The following GPR158 variants were observed in gnomAD, a reference collection of about 807,000 sequenced individuals.
GPR158 encodes the protein G protein-coupled receptor 158, also known as metabotropic glycine receptor.
Under a neutral mutation model 78.2 loss-of-function variants are expected in GPR158, and 30 were observed. The ratio of observed to expected loss-of-function variants is 0.38; its 90% CI spans 0.29 to 0.52. The LOEUF (loss-of-function observed/expected upper bound fraction) is 0.52. Ranked by LOEUF, GPR158 falls within the 20% of genes least tolerant of loss-of-function variation. The pLI is 0.83. For synonymous variants in GPR158, 581 were observed against 591.1 expected, an observed-to-expected ratio of 0.98 and a Z score of 0.25; for missense variants, 1,463 against 1,523.5, an observed-to-expected ratio of 0.96 and a Z score of 0.66.
At chr10:25,565,324 TGG>T (rs1836915228) in intron 6 of GPR158, among the ~76,000 whole-genome samples, 5 of 152,180 alleles carry the variant, frequency 3.3e-5, no homozygotes, top group Non-Finnish European at 5.9e-5. Context: ...GAAAATTTTG[TGG>T]CCTGGGACTA....
chr10:25,300,865 T>A (rs1410472241), intron 2 of GPR158, among the ~76,000 whole-genome samples: 1 of 151,930 alleles, frequency 6.6e-6, no homozygotes, highest in East Asian at 1.9e-4. Flanking sequence ...GAAACCTTAT[T>A]AGACAAGCAG....
Position 25,461,599 on chromosome 10 carries a change from G to A in GPR158, c.1336-5052G>A, listed in dbSNP as rs532125445. On this transcript the variant is annotated intron_variant, in intron 4 of 10. Transcript: ENST00000376351. Reference sequence around the variant, plus strand: ...AAAAGTGTAAAGTGAAGCAGCAAGTGCTGATGGAGAAGCTGCAGCACGTCA... The same window carrying A: ...AAAAGTGTAAAGTGAAGCAGCAAGTACTGATGGAGAAGCTGCAGCACGTCA... Among the ~76,000 whole-genome samples the A allele has an allele frequency of 2.0e-5, 3 of 152,310 alleles. No homozygotes were observed. In the East Asian group the frequency reaches 5.8e-4, roughly 29 times the overall value.
At chr10:25,214,620 G>A (rs1223963340) in intron 1 of GPR158, among the ~76,000 whole-genome samples, 1 of 152,014 alleles carries the variant, frequency 6.6e-6, no homozygotes, top group Non-Finnish European at 1.5e-5. Context: ...AAATTGATAT[G>A]TTGCACTCCT....
At chr10:25,548,400 A>G (rs1836691045) in intron 5 of GPR158, among the ~76,000 whole-genome samples, 1 of 152,182 alleles carries the variant, frequency 6.6e-6, no homozygotes, top group South Asian at 2.1e-4. Flanking sequence ...GAGAATGGTA[A>G]CTTTTAGAAC....
At chr10:25,594,753 T>G (rs1299800716) in intron 9 of GPR158, among the ~76,000 whole-genome samples, 1 of 152,188 alleles carries the variant, frequency 6.6e-6, no homozygotes, top group Non-Finnish European at 1.5e-5. Context: ...TTCAGAGAAA[T>G]CTTATGTTTG....
intron 5 of GPR158, among the ~76,000 whole-genome samples, chr10:25,545,868 A>C (rs2130707892): frequency 6.6e-6 from 1 of 152,312 alleles, no homozygotes; most frequent in Non-Finnish European, 1.5e-5. Context: ...ACGTGCAATC[A>C]AGAATTAGTT....
intron 2 of GPR158, among the ~76,000 whole-genome samples, chr10:25,241,511 C>T (rs1853629026): frequency 6.7e-6 from 1 of 149,034 alleles, no homozygotes; most frequent in African/African-American, 2.5e-5. Flanking sequence ...ACCTCTGCCT[C>T]CTGGGTTCAA....
At chr10:25,423,090 T>C (rs1255583356) in intron 4 of GPR158, among the ~76,000 whole-genome samples, 3 of 147,144 alleles carry the variant, frequency 2.0e-5, no homozygotes, top group Non-Finnish European at 4.5e-5. Flanking sequence ...TATATGTATG[T>C]GTGTGTGTGT....
At position 25,279,430 on chromosome 10, in the gene GPR158, A is replaced by G. The variant is rs559017875; in HGVS notation, c.1008+58273A>G. On this transcript the variant is annotated intron_variant, in intron 2 of 10. Transcript: ENST00000376351. Reference sequence around the variant, plus strand: ...AGGAATTATTTAATTATTTAGGTGCACAGACCGAGTCCAATGAACATCCAA... The same window carrying G: ...AGGAATTATTTAATTATTTAGGTGCGCAGACCGAGTCCAATGAACATCCAA... Among the ~76,000 whole-genome samples, 8 of 152,276 alleles carry G rather than the reference A, an allele frequency of 5.3e-5. No individual in the cohort carries two copies. In the South Asian group the frequency reaches 1.5e-3, roughly 28 times the overall value.
chr10:25,458,542 A>C (rs1033532636), intron 4 of GPR158, among the ~76,000 whole-genome samples: 5 of 152,152 alleles, frequency 3.3e-5, no homozygotes, highest in African/African-American at 1.2e-4. Context: ...TGCTGACTTC[A>C]TTTCCTCTAT....
intron 6 of GPR158, among the ~76,000 whole-genome samples, chr10:25,566,521 C>T (rs1052515389): frequency 3.9e-5 from 6 of 152,006 alleles, no homozygotes; most frequent in Non-Finnish European, 7.4e-5. Flanking sequence ...CATTATTCTT[C>T]CTTATTCCGT....
chr10:25,217,487 A>T (rs1445781973), intron 1 of GPR158, among the ~76,000 whole-genome samples: 2 of 152,178 alleles, frequency 1.3e-5, no homozygotes, highest in Non-Finnish European at 2.9e-5. Context: ...AAGGTCCCTA[A>T]ACCATATAAA....
chr10:25,470,935 C>T (rs542462419), intron 5 of GPR158, among the ~76,000 whole-genome samples: 2 of 151,282 alleles, frequency 1.3e-5, no homozygotes, highest in African/African-American at 4.9e-5. Flanking sequence ...CAAATCTAGG[C>T]TGTCACCTCT....
intron 2 of GPR158, among the ~76,000 whole-genome samples, chr10:25,379,671 C>G (rs967297632): frequency 5.7e-5 from 2 of 35,276 alleles, no homozygotes; most frequent in African/African-American, 1.7e-4. Context: ...TTTTTCTGTA[C>G]TTCCCTTCTC....
intron 4 of GPR158, among the ~76,000 whole-genome samples, chr10:25,445,884 C>A (rs938563214): frequency 6.6e-6 from 1 of 152,116 alleles, no homozygotes; most frequent in Admixed American, 6.6e-5. Context: ...TTTGAATGGA[C>A]AAAGATGAGT....
At chr10:25,430,544 G>A (rs1368089364) in intron 4 of GPR158, among the ~76,000 whole-genome samples, 1 of 150,428 alleles carries the variant, frequency 6.6e-6, no homozygotes, top group Non-Finnish European at 1.5e-5. Context: ...AAAAGAGCCT[G>A]CATCGCCAAG....
chr10:25,336,342 A>G (rs1855206382), intron 2 of GPR158, among the ~76,000 whole-genome samples: 1 of 152,086 alleles, frequency 6.6e-6, no homozygotes, highest in African/African-American at 2.4e-5. Flanking sequence ...ATACCAAAGA[A>G]TCATTTACAT....
intron 5 of GPR158, among the ~76,000 whole-genome samples, chr10:25,501,225 GTGGGGA>G (rs1564472501): frequency 1.3e-5 from 2 of 152,116 alleles, no homozygotes; most frequent in African/African-American, 4.8e-5. Flanking sequence ...ACCAGACAGC[GTGGGGA>G]CCCCTCACAG....
chr10:25,200,419 T>C (rs1159584815), intron 1 of GPR158, among the ~76,000 whole-genome samples: 2 of 152,164 alleles, frequency 1.3e-5, no homozygotes, highest in Admixed American at 6.5e-5. Context: ...ATATTAGACC[T>C]TTGTCAGATA....
Sources: allele counts gnomAD v4.1 joint callset (sites outside exome capture counted in the v4.1 genomes callset), GRCh38; gene constraint gnomAD v4.1.1; transcripts MANE v1.5; gene names NCBI Gene and HGNC (gene_info 2026-07-23, HGNC 2026-07-21).